The following PHF20 variants were observed in gnomAD, a reference collection of about 807,000 sequenced individuals.
PHF20 encodes the protein glioma-expressed antigen 2.
PHF20 carries 23 observed loss-of-function variants against 113.5 expected under a neutral mutation model. The observed-to-expected ratio is 0.20, with a 90% CI of 0.15 to 0.29. The LOEUF (loss-of-function observed/expected upper bound fraction) is 0.29, where lower values mean the gene tolerates loss of function less well. PHF20 is among the 10% of genes least tolerant of loss of function. The pLI is 1.00. For synonymous variants in PHF20, 434 were observed against 457.3 expected, an observed-to-expected ratio of 0.95 and a Z score of 0.65; for missense variants, 943 against 1,219.6, an observed-to-expected ratio of 0.77 and a Z score of 3.38.
At position 35,881,048 on chromosome 20, in the gene PHF20, C is replaced by CTTTT. The variant is rs773060725; in HGVS notation, c.1282+9238_1282+9241dup. ...GTTCCAGACCTTTATCTCTAAATAC[C>CTTTT]TTTTTTTTTTTTTTTTTTTTTTCTG... On this transcript the variant is annotated intron_variant, in intron 9 of 17. Transcript: ENST00000374012. 8.7e-3 allele frequency among the ~76,000 whole-genome samples: 951 copies of CTTTT among 109,670 alleles called. 60 individuals are homozygous for CTTTT. Among genetic ancestry groups the CTTTT allele is most frequent in the African/African-American group, 0.035 (876 of 25,268 alleles). The allele number at this position is 109,670 out of a possible 152,430, so 71.9% of individuals were successfully genotyped here.
At chr20:35,780,050 G>C (rs991331476) in intron 1 of PHF20, among the ~76,000 whole-genome samples, 8 of 152,078 alleles carry the variant, frequency 5.3e-5, no homozygotes, top group African/African-American at 1.7e-4. Context: ...GCAGGGCCTC[G>C]ATTGGAGTCC....
intron 2 of PHF20, among the ~76,000 whole-genome samples, chr20:35,804,257 G>A (rs1281925000): frequency 2.6e-5 from 3 of 116,028 alleles, no homozygotes; most frequent in African/African-American, 3.5e-5. Flanking sequence ...TTTTTGAGAC[G>A]TAGTCTTGCT....
At chr20:35,913,128 A>C in intron 10 of PHF20, 121 bp from the exon 11 acceptor site, 1 of 520,516 alleles carries the variant, frequency 1.9e-6, no homozygotes, top group South Asian at 1.7e-5. Flanking sequence ...AGACTGGAGC[A>C]ATCTGCTCCA....
In PHF20 at chr20:35,917,475, T is replaced by G. The variant is rs139713561; in HGVS notation, c.1826-9T>G. 1,321 of 1,611,050 alleles carry G rather than the reference T, an allele frequency of 8.2e-4. 9 individuals are homozygous for G. In the African/African-American group the frequency reaches 0.015, roughly 18 times the overall value. ...AAAATAGTAACTGTTGTTTTCCCTT[T>G]CCTCGTAGAGGAGGATAATTTGAGT... On this transcript the variant is annotated splice_polypyrimidine_tract_variant and intron_variant, in intron 12 of 17. Coordinates refer to ENST00000374012, the MANE Select transcript of PHF20 (RefSeq NM_016436.5).
At chr20:35,931,170 T>C in intron 14 of PHF20, 79 bp from the exon 15 acceptor site, 2 of 938,704 alleles carry the variant, frequency 2.1e-6, no homozygotes, top group Non-Finnish European at 3.3e-6. Flanking sequence ...GTAGTTGGTA[T>C]GATAATTGTG....
intron 4 of PHF20, among the ~76,000 whole-genome samples, chr20:35,850,296 G>GTTGTTTTTT (rs2042696214): frequency 3.2e-5 from 2 of 62,322 alleles, no homozygotes; most frequent in African/African-American, 1.1e-4. Flanking sequence ...TTCCCCCTCC[G>GTTGTTTTTT]TTTTTTTTTT....
intron 1 of PHF20, among the ~76,000 whole-genome samples, chr20:35,779,790 G>GGATTA (rs1254572317): frequency 1.1e-4 from 16 of 152,280 alleles, no homozygotes; most frequent in Admixed American, 2.6e-4. Context: ...CAAACTGCTG[G>GGATTA]GATTACAGGC....
intron 2 of PHF20, among the ~76,000 whole-genome samples, chr20:35,831,158 T>C (rs2042351322): frequency 7.1e-6 from 1 of 140,516 alleles, no homozygotes; most frequent in African/African-American, 2.7e-5. Flanking sequence ...CCTCCCTCCC[T>C]CCTTTCCTTC....
At chr20:35,848,568 T>A (rs2042664557) in intron 4 of PHF20, among the ~76,000 whole-genome samples, 1 of 152,082 alleles carries the variant, frequency 6.6e-6, no homozygotes, top group East Asian at 1.9e-4. Flanking sequence ...TTTAGAAAAG[T>A]ATTTTTCAGG....
At position 35,791,577 on chromosome 20, in the gene PHF20, T is replaced by C. The variant is rs748259581; in HGVS notation, c.-32-9914T>C. ...TATATATATATCTTAGAATTGTGTG[T>C]ATATATGTATCTTAGAATAGTATTT... On this transcript the variant is annotated intron_variant, in intron 1 of 17. Transcript: ENST00000374012. Among the ~76,000 whole-genome samples the C allele has an allele frequency of 1.7e-4, 25 of 148,920 alleles. 1 individual carries two copies. The highest frequency in any genetic ancestry group is 3.3e-4 in the Non-Finnish European group (22 of 67,470).
chr20:35,876,019 A>C (rs2054514804), intron 9 of PHF20, among the ~76,000 whole-genome samples: 1 of 152,172 alleles, frequency 6.6e-6, no homozygotes, highest in Admixed American at 6.6e-5. Context: ...AGGTGAGTCT[A>C]GGGGAAAAGG....
At position 35,947,715 on chromosome 20, in the gene PHF20, T is replaced by G; in HGVS notation, c.*88T>G. ...ATTTAAATAAATAAACCTAGCATGC[T>G]GAATGCACGTGACACCGACTGACTT... On this transcript the variant is annotated 3_prime_UTR_variant, in exon 18 of 18. Transcript: ENST00000374012. 3 of 1,303,310 alleles carry G rather than the reference T, an allele frequency of 2.3e-6. No individual in the cohort carries two copies. The highest frequency in any genetic ancestry group is 1.3e-5 in the South Asian group (1 of 75,242). 80.7% of individuals were successfully genotyped at this position (1,303,310 alleles called of 1,614,324 possible).
intron 10 of PHF20, among the ~76,000 whole-genome samples, chr20:35,909,352 C>T (rs1352494786): frequency 6.6e-6 from 1 of 151,910 alleles, no homozygotes; most frequent in Non-Finnish European, 1.5e-5. Context: ...TTGTTCATTG[C>T]AATATCCCTC....
intron 14 of PHF20, among the ~76,000 whole-genome samples, chr20:35,930,937 C>T (rs2055740619): frequency 6.6e-6 from 1 of 151,836 alleles, no homozygotes. Flanking sequence ...CAGTAGGAGG[C>T]AGTGGAAGGT....
At chr20:35,776,947 T>C (rs1235468579) in intron 1 of PHF20, among the ~76,000 whole-genome samples, 2 of 152,228 alleles carry the variant, frequency 1.3e-5, no homozygotes, top group Non-Finnish European at 2.9e-5. Flanking sequence ...CAGATCTGAT[T>C]TCTTTCATGT....
chr20:35,794,834 C>G (rs1487845517), intron 1 of PHF20, among the ~76,000 whole-genome samples: 1 of 152,112 alleles, frequency 6.6e-6, no homozygotes, highest in African/African-American at 2.4e-5. Context: ...AGCGACAGTA[C>G]TCTTTTGCCT....
chr20:35,913,683 C>T (rs2147083362), intron 11 of PHF20, among the ~76,000 whole-genome samples: 1 of 152,356 alleles, frequency 6.6e-6, no homozygotes, highest in East Asian at 1.9e-4. Context: ...TAAAACACAT[C>T]TTTGAGCCCT....
At chr20:35,788,165 C>T (rs1421144772) in intron 1 of PHF20, among the ~76,000 whole-genome samples, 1 of 151,142 alleles carries the variant, frequency 6.6e-6, no homozygotes, top group Non-Finnish European at 1.5e-5. Flanking sequence ...GGCGCGATCT[C>T]GGCTCACTGC....
intron 17 of PHF20, among the ~76,000 whole-genome samples, chr20:35,942,991 T>G (rs1462589579): frequency 2.0e-5 from 3 of 152,044 alleles, no homozygotes; most frequent in Non-Finnish European, 4.4e-5. Context: ...GCCCGGCTAA[T>G]TTTTTATATT....
Sources: gnomAD v4.1 joint callset for allele counts (sites outside exome capture counted in the v4.1 genomes callset) on GRCh38, gnomAD v4.1.1 for gene constraint, MANE v1.5 for transcripts, NCBI Gene and HGNC (gene_info 2026-07-23, HGNC 2026-07-21) for gene names.